Variants in ROBO2 observed in about 807,000 individuals in gnomAD.
ROBO2 encodes roundabout guidance receptor 2.
In ROBO2, 53 loss-of-function variants were observed where a neutral mutation model predicts 160.8. That is an observed-to-expected ratio of 0.33 (90% CI 0.26 to 0.41). The LOEUF is 0.41. Among genes scored for constraint, ROBO2 ranks in the 10% least tolerant of loss-of-function variants. The pLI is 1.00. For synonymous variants in ROBO2, 664 were observed against 611.7 expected (o/e 1.09, Z -1.26); for missense variants, 1,577 against 1,722.4 (o/e 0.92, Z 1.49).
intron 2 of ROBO2, among the ~76,000 whole-genome samples, chr3:76,468,145 A>T (rs2078458471): frequency 6.6e-6 from 1 of 152,078 alleles, no homozygotes; most frequent in Non-Finnish European, 1.5e-5. Flanking sequence ...AGAAACTATT[A>T]TTGCCCCTGT....
At chr3:76,238,986 G>C (rs1705127700) in intron 2 of ROBO2, among the ~76,000 whole-genome samples, 1 of 152,178 alleles carries the variant, frequency 6.6e-6, no homozygotes, top group Non-Finnish European at 1.5e-5. Context: ...CAGAAGTGTG[G>C]TCCAAGGACC....
chr3:77,323,399 G>A (rs1156576565), intron 2 of ROBO2, among the ~76,000 whole-genome samples: 3 of 151,956 alleles, frequency 2.0e-5, no homozygotes, highest in African/African-American at 7.3e-5. Flanking sequence ...TATAAGATGA[G>A]ATCAAGTTTA....
intron 2 of ROBO2, among the ~76,000 whole-genome samples, chr3:77,335,039 G>T (rs920420103): frequency 1.6e-4 from 25 of 152,260 alleles, no homozygotes; most frequent in African/African-American, 6.0e-4. Context: ...TCTCTTCAAA[G>T]GTTGTTTAAG....
intron 2 of ROBO2, among the ~76,000 whole-genome samples, chr3:76,829,174 A>G (rs757436732): frequency 2.2e-4 from 33 of 152,020 alleles, no homozygotes; most frequent in Non-Finnish European, 4.6e-4. Context: ...AACTCACATA[A>G]TCTATGCTCA....
chr3:76,349,495 C>T (rs1483265584), intron 2 of ROBO2, among the ~76,000 whole-genome samples: 1 of 152,048 alleles, frequency 6.6e-6, no homozygotes, highest in Non-Finnish European at 1.5e-5. Flanking sequence ...CAAGGCCACA[C>T]AGTTATTTGT....
chr3:76,146,888 A>AC (rs2071925970), intron 2 of ROBO2, among the ~76,000 whole-genome samples: 1 of 150,444 alleles, frequency 6.6e-6, no homozygotes, highest in Non-Finnish European at 1.5e-5. Context: ...ACACACACAC[A>AC]AACACACACA....
At chr3:77,613,622 A>C (rs1559729320) in intron 21 of ROBO2, among the ~76,000 whole-genome samples, 1 of 152,170 alleles carries the variant, frequency 6.6e-6, no homozygotes, top group Admixed American at 6.5e-5. Context: ...AAAAAGAACA[A>C]AGCATTCTAA....
chr3:76,743,994 A>G (rs2108085650), intron 2 of ROBO2, among the ~76,000 whole-genome samples: 1 of 152,254 alleles, frequency 6.6e-6, no homozygotes, highest in East Asian at 1.9e-4. Flanking sequence ...GGAAATGGAA[A>G]GGAAATTTAT....
At chr3:77,208,334 A>C (rs930887472) in intron 2 of ROBO2, among the ~76,000 whole-genome samples, 12 of 152,210 alleles carry the variant, frequency 7.9e-5, no homozygotes, top group African/African-American at 2.9e-4. Flanking sequence ...ATGTTAGCGC[A>C]ATTGATTAGG....
intron 2 of ROBO2, among the ~76,000 whole-genome samples, chr3:77,315,885 C>A (rs2063938108): frequency 6.7e-6 from 1 of 149,062 alleles, no homozygotes; most frequent in Middle Eastern, 3.4e-3. Context: ...TATTGCCCAG[C>A]ATTTTTTTTT....
intron 2 of ROBO2, among the ~76,000 whole-genome samples, chr3:76,204,910 G>A (rs1702726121): frequency 6.6e-6 from 1 of 152,060 alleles, no homozygotes; most frequent in Admixed American, 6.6e-5. Context: ...AATATGTGGG[G>A]GATATGGACA....
intron 2 of ROBO2, among the ~76,000 whole-genome samples, chr3:77,372,294 G>A (rs1178372271): frequency 2.6e-5 from 4 of 152,052 alleles, no homozygotes; most frequent in Admixed American, 6.6e-5. Flanking sequence ...GATATTAAAC[G>A]GAAAAGAGAT....
intron 2 of ROBO2, among the ~76,000 whole-genome samples, chr3:76,892,696 T>G (rs935550714): frequency 1.3e-5 from 2 of 152,144 alleles, no homozygotes; most frequent in African/African-American, 2.4e-5. Flanking sequence ...ACCTGAATAG[T>G]TGGAGAAAAA....
At chr3:76,328,484 T>C (rs2107987418) in intron 2 of ROBO2, among the ~76,000 whole-genome samples, 1 of 152,284 alleles carries the variant, frequency 6.6e-6, no homozygotes, top group Non-Finnish European at 1.5e-5. Flanking sequence ...TGTTATTAGT[T>C]TGGAGGCCGA....
At chr3:77,635,397 C>T (rs984719756) in intron 24 of ROBO2, among the ~76,000 whole-genome samples, 2 of 152,026 alleles carry the variant, frequency 1.3e-5, no homozygotes, top group African/African-American at 4.8e-5. Context: ...TATTAAATTA[C>T]AATATCTTAG....
intron 2 of ROBO2, among the ~76,000 whole-genome samples, chr3:76,374,160 C>A (rs563661175): frequency 6.0e-4 from 91 of 151,978 alleles, no homozygotes; most frequent in Middle Eastern, 3.4e-3. Context: ...AACGAGTCCC[C>A]CCTCCCATGT....
chr3:76,129,620 A>C (rs17577554), intron 2 of ROBO2, among the ~76,000 whole-genome samples: 40,320 of 151,948 alleles, frequency 0.27, 5,831 homozygotes, highest in Non-Finnish European at 0.33. Context: ...CCACTAAGGC[A>C]TTGTGACTCT....
intron 2 of ROBO2, among the ~76,000 whole-genome samples, chr3:76,481,136 G>A (rs1368570148): frequency 6.6e-6 from 1 of 152,114 alleles, no homozygotes; most frequent in Non-Finnish European, 1.5e-5. Flanking sequence ...ACTTTGTGAT[G>A]TCGCGGTTTT....
At position 75,907,865 on chromosome 3, in the gene ROBO2, G is replaced by A. The variant is rs866892311; in HGVS notation, c.-14+905G>A. Among the ~76,000 whole-genome samples, 543 of 56,964 alleles carry A rather than the reference G, an allele frequency of 9.5e-3. 13 individuals carry two copies. The Middle Eastern group carries it at 0.1, about 10-fold the overall frequency. 37.4% of individuals were successfully genotyped at this position (56,964 alleles called of 152,430 possible). On this transcript the variant is annotated intron_variant, in intron 1 of 26. Coordinates refer to the ROBO2 transcript ENST00000487694. ...TTTAATCGTGTGCGTGTGTGTGTGT[G>A]TGTGTGTGTGTGTGTGTATCAGAGA...
Sources: allele counts gnomAD v4.1 joint callset (sites outside exome capture counted in the v4.1 genomes callset), GRCh38; gene constraint gnomAD v4.1.1; transcripts MANE v1.5; gene names NCBI Gene and HGNC (gene_info 2026-07-23, HGNC 2026-07-21).